The following DAB2IP variants were observed in gnomAD, a reference collection of about 807,000 sequenced individuals.
The protein encoded by DAB2IP is DAB2 interacting protein.
DAB2IP carries 28 observed loss-of-function variants against 107.2 expected under a neutral mutation model. That is an observed-to-expected ratio of 0.26 (90% CI 0.19 to 0.36). The LOEUF is 0.36. Ranked by LOEUF, DAB2IP falls within the 10% of genes least tolerant of loss-of-function variation. The pLI is 1.00. For synonymous variants in DAB2IP, 755 were observed against 706.4 expected (o/e 1.07, Z -1.09); for missense variants, 1,400 against 1,644.7 (o/e 0.85, Z 2.57).
chr9:121,781,359 C>T, intron 14 of DAB2IP, 105 bp from the exon 15 acceptor site: 1 of 1,117,186 alleles, frequency 9.0e-7, no homozygotes, highest in East Asian at 2.4e-5. Flanking sequence ...GAGGGGCTCT[C>T]CTAGTGTGTC....
chr9:121,649,780 C>T (rs1832675416), upstream of DAB2IP, among the ~76,000 whole-genome samples: 1 of 152,280 alleles, frequency 6.6e-6, no homozygotes, highest in South Asian at 2.1e-4. Flanking sequence ...CTAACAAGGC[C>T]CCCAGCTTGC....
chr9:121,708,685 T>C (rs1213722030), intron 3 of DAB2IP, among the ~76,000 whole-genome samples: 2 of 152,204 alleles, frequency 1.3e-5, no homozygotes, highest in Admixed American at 1.3e-4. Flanking sequence ...GAAACTGAGG[T>C]TCAGGGAAGT....
chr9:121,580,788 C>G (rs1233070853), intron 1 of DAB2IP, among the ~76,000 whole-genome samples: 1 of 152,146 alleles, frequency 6.6e-6, no homozygotes, highest in Non-Finnish European at 1.5e-5. Context: ...CCACGCCCAG[C>G]TAATTTTTTT....
At chr9:121,583,338 T>G (rs1339210360) in intron 1 of DAB2IP, among the ~76,000 whole-genome samples, 1 of 151,970 alleles carries the variant, frequency 6.6e-6, no homozygotes, top group East Asian at 1.9e-4. Flanking sequence ...TTGCAGTGAG[T>G]TGAGATCACA....
intron 4 of DAB2IP, among the ~76,000 whole-genome samples, chr9:121,757,855 G>T (rs1833603815): frequency 6.6e-6 from 1 of 152,210 alleles, no homozygotes; most frequent in South Asian, 2.1e-4. Context: ...CAATAATCAT[G>T]CATAACTAGG....
intron 3 of DAB2IP, among the ~76,000 whole-genome samples, chr9:121,750,284 G>T (rs752427381): frequency 1.3e-5 from 2 of 152,196 alleles, no homozygotes; most frequent in Non-Finnish European, 2.9e-5. Flanking sequence ...CTGCCCGCTC[G>T]CAGCTGCAGG....
intron 1 of DAB2IP, among the ~76,000 whole-genome samples, chr9:121,617,752 A>G (rs1195721035): frequency 6.6e-6 from 1 of 152,246 alleles, no homozygotes; most frequent in Non-Finnish European, 1.5e-5. Context: ...ATGAGTTAAC[A>G]GTGGGGCAAG....
At chr9:121,775,398 C>G (rs1835128869) in intron 13 of DAB2IP, among the ~76,000 whole-genome samples, 1 of 152,226 alleles carries the variant, frequency 6.6e-6, no homozygotes, top group Admixed American at 6.5e-5. Context: ...ATGAAGGGGA[C>G]CGGGGGACAG....
chr9:121,693,655 A>C (rs1020647005), intron 2 of DAB2IP, among the ~76,000 whole-genome samples: 5 of 152,188 alleles, frequency 3.3e-5, no homozygotes, highest in African/African-American at 9.6e-5. Context: ...GGGGTTCCCC[A>C]GTGGGCAGCT....
intron 1 of DAB2IP, among the ~76,000 whole-genome samples, chr9:121,602,706 G>A (rs1489571096): frequency 1.3e-5 from 2 of 152,108 alleles, no homozygotes; most frequent in African/African-American, 4.8e-5. Flanking sequence ...CTCCCAAGTA[G>A]CTGGGACTAC....
chr9:121,614,630 C>T (rs574360383), intron 1 of DAB2IP, among the ~76,000 whole-genome samples: 7 of 151,630 alleles, frequency 4.6e-5, no homozygotes, highest in East Asian at 2.0e-4. Flanking sequence ...TGAGCCACTG[C>T]GCCCGGCCCC....
intron 2 of DAB2IP, among the ~76,000 whole-genome samples, chr9:121,687,047 TG>T (rs1339708585): frequency 6.6e-6 from 1 of 151,870 alleles, no homozygotes; most frequent in African/African-American, 2.4e-5. Flanking sequence ...TCCTGCCAGT[TG>T]GGGGCAGCAG....
rs1386803077 is a variant in DAB2IP, at chr9:121,633,975, G to A, written c.41-44703G>A. ...TTCTTGATTTCTCCCTGCCCTGTCA[G>A]TCAAAATTAGTTACTTCCTCCCTTG... On this transcript the variant is annotated intron_variant, in intron 1 of 16. Transcript: ENST00000259371. The surrounding 1 kb of genome is among the most constrained non-coding windows in gnomAD (Gnocchi z 5.1). Among the ~76,000 whole-genome samples, 4 of 152,118 alleles carry A rather than the reference G, an allele frequency of 2.6e-5. No homozygotes were observed. The highest frequency in any genetic ancestry group is 9.7e-5 in the African/African-American group (4 of 41,432).
intron 1 of DAB2IP, among the ~76,000 whole-genome samples, chr9:121,621,269 C>T (rs1005972206): frequency 6.6e-6 from 1 of 152,180 alleles, no homozygotes; most frequent in Non-Finnish European, 1.5e-5. Flanking sequence ...GGGTCCCTCC[C>T]TTGCTCAAGG....
intron 1 of DAB2IP, among the ~76,000 whole-genome samples, chr9:121,655,613 C>A (rs997453685): frequency 1.3e-5 from 2 of 152,146 alleles, no homozygotes; most frequent in Non-Finnish European, 2.9e-5. Flanking sequence ...GGCTGTAGTT[C>A]CAGCTCAGCC....
rs764588579 is a variant in DAB2IP, at chr9:121,757,124, G to A, written c.474G>A (p.Lys158=). The A allele has an allele frequency of 8.1e-6, 13 of 1,614,204 alleles. No homozygotes were observed. In the East Asian group the frequency reaches 2.2e-4, roughly 28 times the overall value. ...GCATGGAGGAAGAGGTGGTCATCAA[G>A]CCCGTGCACAGCAGCATCCTTGGCC... is the stretch of plus-strand genomic sequence containing the variant. Residue 158 remains lysine (K), a synonymous_variant, in exon 4 of 16, where the codon AAG becomes AAA. Coordinates refer to ENST00000408936, the Ensembl canonical transcript of DAB2IP.
intron 1 of DAB2IP, among the ~76,000 whole-genome samples, chr9:121,641,385 G>A (rs887352709): frequency 3.1e-4 from 47 of 152,192 alleles, no homozygotes; most frequent in African/African-American, 1.0e-3. Context: ...TGTGAGAACC[G>A]TGGCTCTGGC....
In DAB2IP at chr9:121,691,501, C is replaced by G. The variant is rs114944903; in HGVS notation, c.229-7824C>G. On this transcript the variant is annotated intron_variant, in intron 2 of 15. Coordinates refer to ENST00000408936, the Ensembl canonical transcript of DAB2IP. ...GCGCCACTGCACTCCAGCCTGAGGA[C>G]AGTGAGAGACTCCATGTCAAAAAAA... Among the ~76,000 whole-genome samples, 425 of 140,574 alleles carry G rather than the reference C, an allele frequency of 3.0e-3. 3 individuals carry two copies. The highest frequency in any genetic ancestry group is 0.011 in the African/African-American group (406 of 37,040). The allele number at this position is 140,574 out of a possible 152,430, so 92.2% of individuals were successfully genotyped here.
intron 1 of DAB2IP, among the ~76,000 whole-genome samples, chr9:121,593,081 C>T (rs950305646): frequency 1.1e-4 from 17 of 152,208 alleles, no homozygotes; most frequent in African/African-American, 2.4e-4. Flanking sequence ...CTGGAGAACG[C>T]GCCTGAATTT....
Sources: gnomAD v4.1 joint callset for allele counts (sites outside exome capture counted in the v4.1 genomes callset) on GRCh38, gnomAD v4.1.1 for gene constraint, Gnocchi (gnomAD v3.1) non-coding constraint, MANE v1.5 for transcripts, NCBI Gene and HGNC (gene_info 2026-07-23, HGNC 2026-07-21) for gene names.